The following ADCY9 variants were observed in gnomAD, a reference collection of about 807,000 sequenced individuals.
ADCY9 encodes the protein adenylate cyclase 9.
ADCY9 carries 50 observed loss-of-function variants against 101.5 expected under a neutral mutation model. The ratio of observed to expected loss-of-function variants is 0.49; its 90% CI spans 0.39 to 0.62. The LOEUF (loss-of-function observed/expected upper bound fraction) is 0.62, where lower values mean the gene tolerates loss of function less well. Ranked by LOEUF, ADCY9 falls within the 20% of genes least tolerant of loss-of-function variation. ADCY9 has a pLI of 0.00. For synonymous variants in ADCY9, 905 were observed against 769.3 expected (o/e 1.18, Z -2.92); for missense variants, 1,662 against 1,800.4 (o/e 0.92, Z 1.39).
chr16:4,045,258 A>G (rs1166301607), intron 2 of ADCY9, among the ~76,000 whole-genome samples: 4 of 152,110 alleles, frequency 2.6e-5, no homozygotes, highest in African/African-American at 9.7e-5. Flanking sequence ...GAAAAAATGA[A>G]AGCCCAGGTA....
At chr16:4,091,725 G>T (rs2056974771) in intron 2 of ADCY9, among the ~76,000 whole-genome samples, 1 of 152,210 alleles carries the variant, frequency 6.6e-6, no homozygotes, top group Non-Finnish European at 1.5e-5. Flanking sequence ...CGTATCCTAC[G>T]ATTCCAAGTA....
chr16:3,983,114 A>T (rs1332223365), intron 7 of ADCY9, 118 bp downstream of exon 7: 7 of 989,542 alleles, frequency 7.1e-6, no homozygotes, highest in Non-Finnish European at 1.0e-5. Context: ...CCATCTCCAG[A>T]AATCAGCCAG....
At chr16:3,967,023 G>C in intron 10 of ADCY9, 57 bp from the exon 11 acceptor site, 1 of 1,420,772 alleles carries the variant, frequency 7.0e-7, no homozygotes, top group Non-Finnish European at 9.7e-7. Flanking sequence ...TCCAAGCTCA[G>C]AACAGCCCCG....
chr16:4,054,616 G>T lies in ADCY9; in HGVS notation c.1694-47058C>A, dbSNP rs150612782. 4.3e-3 allele frequency among the ~76,000 whole-genome samples: 648 copies of T among 151,882 alleles called. 5 individuals are homozygous for T. The highest frequency in any genetic ancestry group is 0.01 in the Middle Eastern group (3 of 294). On this transcript the variant is annotated intron_variant, in intron 2 of 10. Transcript: ENST00000294016. ...GACGGACTCTCGCTCTGTCACCCAG[G>T]CTGGAGTGCAGTGGCACAATCTCGG...
downstream of ADCY9, among the ~76,000 whole-genome samples, chr16:3,959,744 C>G (rs150712616): frequency 4.0e-3 from 615 of 152,214 alleles, 2 homozygotes; most frequent in Middle Eastern, 0.02. Flanking sequence ...CATGTATCAA[C>G]GCTGGGCACA....
chr16:4,112,303 C>T (rs1271214698), intron 2 of ADCY9, among the ~76,000 whole-genome samples: 2 of 152,178 alleles, frequency 1.3e-5, no homozygotes, highest in East Asian at 1.9e-4. Flanking sequence ...CCTTAAAGTG[C>T]TCTAGGTTAG....
rs565263570 is a variant in ADCY9, at chr16:4,102,910, C to T, written c.1693+10840G>A. Among the ~76,000 whole-genome samples the T allele has an allele frequency of 5.3e-5, 8 of 152,096 alleles. No individual in the cohort carries two copies. The East Asian group carries it at 1.4e-3, about 26-fold the overall frequency. ...CTAATTATAGTATTTTTAGGAGAGA[C>T]GGAGCTTCACCGTGTTGGCCAGGCT... On this transcript the variant is annotated intron_variant, in intron 2 of 10. Coordinates refer to ENST00000294016, the MANE Select transcript of ADCY9 (RefSeq NM_001116.4).
intron 2 of ADCY9, among the ~76,000 whole-genome samples, chr16:4,056,553 C>G (rs1015960980): frequency 6.6e-6 from 1 of 152,150 alleles, no homozygotes; most frequent in African/African-American, 2.4e-5. Flanking sequence ...CACACCCAGC[C>G]AAAGTAAATT....
rs903466842 is a variant in ADCY9 at position 4,055,824 on chromosome 16, G to C, written c.1694-48266C>G. ...ACTCCAGCGTGGGCGACAGAGCGAG[G>C]ATCCGTTTCAAAAAAAAAAAAAGAT... On this transcript the variant is annotated intron_variant, in intron 2 of 10. Transcript: ENST00000294016. Among the ~76,000 whole-genome samples the C allele has an allele frequency of 2.0e-5, 3 of 150,972 alleles. No individual in the cohort carries two copies. The South Asian group carries it at 6.3e-4, about 32-fold the overall frequency.
chr16:4,015,032 C>T (rs1024314425), intron 2 of ADCY9, among the ~76,000 whole-genome samples: 2 of 150,392 alleles, frequency 1.3e-5, no homozygotes, highest in Non-Finnish European at 3.0e-5. Flanking sequence ...CTCTGCCTCC[C>T]GGGTTCACGC....
chr16:4,098,362 T>A (rs528453779), intron 2 of ADCY9, among the ~76,000 whole-genome samples: 5 of 151,952 alleles, frequency 3.3e-5, no homozygotes, highest in African/African-American at 1.2e-4. Flanking sequence ...ATTTCCCGAG[T>A]AGCTGGGACT....
At chr16:3,983,601 T>A (rs962653156) in intron 6 of ADCY9, 161 bp from the exon 7 acceptor site, 7 of 640,828 alleles carry the variant, frequency 1.1e-5, no homozygotes, top group African/African-American at 9.2e-5. Flanking sequence ...CTACCCCATT[T>A]AACACTGGGG....
intron 3 of ADCY9, among the ~76,000 whole-genome samples, chr16:4,000,080 T>C (rs12325124): frequency 6.6e-6 from 1 of 152,214 alleles, no homozygotes. Flanking sequence ...TGTCGTGTTA[T>C]CAGAAGCATC....
chr16:4,009,221 T>C (rs2056387158), intron 2 of ADCY9, among the ~76,000 whole-genome samples: 1 of 151,854 alleles, frequency 6.6e-6, no homozygotes, highest in Non-Finnish European at 1.5e-5. Context: ...TAGATATTTT[T>C]AGATGCCAAC....
At chr16:3,958,084 G>A, downstream of ADCY9, among the ~76,000 whole-genome samples, 1 of 152,126 alleles carries the variant, frequency 6.6e-6, no homozygotes, top group Non-Finnish European at 1.5e-5. Flanking sequence ...AGACGTCTGG[G>A]TCCCCAACCA....
At chr16:4,028,098 G>T (rs1262707928) in intron 2 of ADCY9, among the ~76,000 whole-genome samples, 1 of 152,068 alleles carries the variant, frequency 6.6e-6, no homozygotes, top group Non-Finnish European at 1.5e-5. Flanking sequence ...TTTTTGGGGG[G>T]TGATTAAACT....
At chr16:4,029,334 C>T (rs760225135) in intron 2 of ADCY9, among the ~76,000 whole-genome samples, 12 of 152,086 alleles carry the variant, frequency 7.9e-5, no homozygotes, top group Non-Finnish European at 1.6e-4. Flanking sequence ...AATATTTGAC[C>T]ATTTCGATCT....
chr16:4,065,470 C>A (rs2056795421), intron 2 of ADCY9, among the ~76,000 whole-genome samples: 1 of 152,214 alleles, frequency 6.6e-6, no homozygotes, highest in African/African-American at 2.4e-5. Flanking sequence ...ACAGCAACAC[C>A]ATGTTGCCAG....
At chr16:4,080,205 G>A (rs1055181977) in intron 2 of ADCY9, among the ~76,000 whole-genome samples, 7 of 151,990 alleles carry the variant, frequency 4.6e-5, no homozygotes, top group African/African-American at 1.7e-4. Flanking sequence ...ATTACCACCT[G>A]TACCTAAGAA....
Sources: allele counts gnomAD v4.1 joint callset (sites outside exome capture counted in the v4.1 genomes callset), GRCh38; gene constraint gnomAD v4.1.1; transcripts MANE v1.5; gene names NCBI Gene and HGNC (gene_info 2026-07-23, HGNC 2026-07-21).